Variants in ETV1 observed in about 807,000 individuals in gnomAD.
ETV1 encodes ETS translocation variant 1.
Under a neutral mutation model 62.3 loss-of-function variants are expected in ETV1, and 27 were observed. That is an observed-to-expected ratio of 0.43 (90% CI 0.32 to 0.60). The LOEUF (loss-of-function observed/expected upper bound fraction) is 0.60, where lower values mean the gene tolerates loss of function less well. Among genes scored for constraint, ETV1 ranks in the 20% least tolerant of loss-of-function variants. The pLI, the probability that ETV1 is intolerant of heterozygous loss-of-function variation, is 0.06. For missense variants in ETV1, 605 were observed against 605.8 expected, an observed-to-expected ratio of 1.00 and a Z score of 0.01; for synonymous variants, 222 against 199.6, an observed-to-expected ratio of 1.11 and a Z score of -0.94.
chr7:13,940,180 T>C (rs1417887151), intron 6 of ETV1, among the ~76,000 whole-genome samples: 2 of 152,066 alleles, frequency 1.3e-5, no homozygotes, highest in Non-Finnish European at 2.9e-5. Context: ...CTGAGCAACA[T>C]GGTGAAACCC....
chr7:13,915,282 CCA>C (rs1405983328), intron 9 of ETV1, among the ~76,000 whole-genome samples: 1 of 152,032 alleles, frequency 6.6e-6, no homozygotes, highest in East Asian at 1.9e-4. Context: ...CATAAAATAT[CCA>C]GAGCCAAAAT....
intron 6 of ETV1, among the ~76,000 whole-genome samples, chr7:13,957,188 C>T (rs1789574750): frequency 1.3e-5 from 2 of 152,092 alleles, no homozygotes; most frequent in East Asian, 1.9e-4. Context: ...CAGGTTTACG[C>T]CATTCTCCTG....
At chr7:13,967,612 C>T (rs895645855) in intron 6 of ETV1, among the ~76,000 whole-genome samples, 1 of 151,894 alleles carries the variant, frequency 6.6e-6, no homozygotes. Flanking sequence ...AGATACAGCA[C>T]CAACTCTCAT....
At chr7:13,910,482 T>G (rs1783453252) in intron 10 of ETV1, 1 of 513,142 alleles carries the variant, frequency 1.9e-6, no homozygotes, top group Non-Finnish European at 2.5e-6. Flanking sequence ...AACTTTTAAT[T>G]TCAAATATTT....
At chr7:13,983,081 G>A (rs1782163284) in intron 5 of ETV1, among the ~76,000 whole-genome samples, 1 of 151,956 alleles carries the variant, frequency 6.6e-6, no homozygotes, top group Admixed American at 6.6e-5. Flanking sequence ...GCTGTAGAAA[G>A]GTTGTTCTTG....
At chr7:13,973,503 A>G (rs1455918883) in intron 6 of ETV1, among the ~76,000 whole-genome samples, 2 of 152,208 alleles carry the variant, frequency 1.3e-5, no homozygotes, top group Non-Finnish European at 2.9e-5. Context: ...CCTCTTTAGT[A>G]TCTAATACAA....
intron 12 of ETV1, among the ~76,000 whole-genome samples, chr7:13,903,969 A>T (rs761279771): frequency 6.6e-6 from 1 of 152,136 alleles, no homozygotes; most frequent in Non-Finnish European, 1.5e-5. Context: ...GCAAGATGAA[A>T]TATAAAGAAA....
intron 12 of ETV1, among the ~76,000 whole-genome samples, chr7:13,903,350 C>T (rs567122879): frequency 4.6e-5 from 7 of 152,170 alleles, no homozygotes; most frequent in African/African-American, 1.7e-4. Flanking sequence ...TAACACTGAA[C>T]CTGATAACAA....
intron 8 of ETV1, among the ~76,000 whole-genome samples, chr7:13,934,190 C>T (rs531341321): frequency 1.3e-5 from 2 of 152,116 alleles, no homozygotes; most frequent in Non-Finnish European, 2.9e-5. Context: ...ATGCACATAC[C>T]ATTGCACTCT....
intron 9 of ETV1, among the ~76,000 whole-genome samples, chr7:13,919,460 C>G (rs1447010454): frequency 6.7e-6 from 1 of 148,252 alleles, no homozygotes; most frequent in Non-Finnish European, 1.5e-5. Flanking sequence ...ATAACACATG[C>G]TTGTTGTTCT....
chr7:13,961,240 G>A (rs1237215974), intron 6 of ETV1, among the ~76,000 whole-genome samples: 2 of 152,252 alleles, frequency 1.3e-5, no homozygotes, highest in African/African-American at 4.8e-5. Context: ...AATACATCTG[G>A]TCCTGTAGAA....
At chr7:13,900,260 T>C (rs1476862669) in intron 13 of ETV1, 2 of 152,622 alleles carry the variant, frequency 1.3e-5, no homozygotes, top group African/African-American at 4.8e-5. Context: ...GATGTCAAAC[T>C]ATCAGATGAT....
At chr7:13,979,584 G>A (rs912076563) in intron 5 of ETV1, among the ~76,000 whole-genome samples, 17 of 152,068 alleles carry the variant, frequency 1.1e-4, no homozygotes, top group African/African-American at 3.9e-4. Flanking sequence ...CAAGTACACA[G>A]ATTCAAATCC....
At chr7:13,934,754 C>T (rs761270617) in intron 8 of ETV1, among the ~76,000 whole-genome samples, 47 of 152,274 alleles carry the variant, frequency 3.1e-4, no homozygotes, top group Non-Finnish European at 5.6e-4. Context: ...TACTACATTA[C>T]GCTGTGCTAT....
At chr7:13,925,822 C>G (rs192509208) in intron 9 of ETV1, among the ~76,000 whole-genome samples, 1 of 151,994 alleles carries the variant, frequency 6.6e-6, no homozygotes, top group African/African-American at 2.4e-5. Flanking sequence ...TCCCAAAGTG[C>G]TGGGATTACA....
At chr7:13,913,078 A>G (rs1783717663) in intron 9 of ETV1, among the ~76,000 whole-genome samples, 1 of 152,204 alleles carries the variant, frequency 6.6e-6, no homozygotes, top group Non-Finnish European at 1.5e-5. Context: ...TTACATTTTA[A>G]CTTTTGTTAA....
chr7:13,916,643 A>T (rs913124134), intron 9 of ETV1, among the ~76,000 whole-genome samples: 4 of 150,348 alleles, frequency 2.7e-5, no homozygotes, highest in Admixed American at 2.7e-4. Context: ...TCAAAAAAAG[A>T]GTAGGCTGTG....
chr7:13,940,511 A>C (rs1787376045), intron 6 of ETV1, among the ~76,000 whole-genome samples: 1 of 152,206 alleles, frequency 6.6e-6, no homozygotes, highest in African/African-American at 2.4e-5. Context: ...AAAGGAAAAA[A>C]TAATCATAAG....
intron 12 of ETV1, among the ~76,000 whole-genome samples, chr7:13,903,287 T>C (rs1448900510): frequency 6.6e-6 from 1 of 152,192 alleles, no homozygotes; most frequent in Non-Finnish European, 1.5e-5. Flanking sequence ...AATAAGATAA[T>C]GTAATAGTTC....
Sources: gnomAD v4.1 joint callset for allele counts (sites outside exome capture counted in the v4.1 genomes callset) on GRCh38, gnomAD v4.1.1 for gene constraint, MANE v1.5 for transcripts, NCBI Gene and HGNC (gene_info 2026-07-23, HGNC 2026-07-21) for gene names.